PCSK2: variants seen among roughly 807,000 people sequenced by gnomAD.
PCSK2 encodes the protein proprotein convertase subtilisin/kexin type 2.
A neutral mutation model predicts 69.7 loss-of-function variants in PCSK2; 14 were observed. That is an observed-to-expected ratio of 0.20 (90% CI 0.13 to 0.31). PCSK2 has a LOEUF of 0.31. Ranked by LOEUF, PCSK2 falls within the 10% of genes least tolerant of loss-of-function variation. PCSK2 has a pLI of 1.00. For synonymous variants in PCSK2, 307 were observed against 320.7 expected, an observed-to-expected ratio of 0.96 and a Z score of 0.46; for missense variants, 544 against 842.5, an observed-to-expected ratio of 0.65 and a Z score of 4.39.
At chr20:17,263,232 T>G (rs1194459980) in intron 2 of PCSK2, 3 of 557,500 alleles carry the variant, frequency 5.4e-6, no homozygotes, top group Non-Finnish European at 6.8e-6. Flanking sequence ...CTAATTTTTA[T>G]GCTAAAAGGA....
At chr20:17,399,534 T>C (rs969610332) in intron 5 of PCSK2, among the ~76,000 whole-genome samples, 7 of 152,232 alleles carry the variant, frequency 4.6e-5, no homozygotes, top group African/African-American at 1.7e-4. Context: ...TGTTTCTGCC[T>C]GCCAATGCTT....
intron 5 of PCSK2, among the ~76,000 whole-genome samples, chr20:17,377,883 CT>C (rs2030973320): frequency 6.6e-6 from 1 of 152,214 alleles, no homozygotes; most frequent in South Asian, 2.1e-4. Flanking sequence ...AATGAAACTA[CT>C]TGTATGGACC....
At chr20:17,427,769 C>T (rs2032278699) in intron 6 of PCSK2, among the ~76,000 whole-genome samples, 1 of 152,178 alleles carries the variant, frequency 6.6e-6, no homozygotes, top group Admixed American at 6.5e-5. Flanking sequence ...AGGATGACCT[C>T]ACTCACATGT....
At chr20:17,431,075 G>C (rs57489065) in intron 7 of PCSK2, among the ~76,000 whole-genome samples, 2 of 152,072 alleles carry the variant, frequency 1.3e-5, no homozygotes, top group East Asian at 3.9e-4. Context: ...CAAAACCTGA[G>C]ACAAGGATTC....
intron 1 of PCSK2, among the ~76,000 whole-genome samples, chr20:17,253,615 G>A (rs1352252371): frequency 1.3e-5 from 2 of 152,124 alleles, no homozygotes; most frequent in Non-Finnish European, 2.9e-5. Flanking sequence ...TCAATTGATA[G>A]CAATGTGGGT....
rs1456237040 is a variant in PCSK2, at chr20:17,453,348, T to C, written c.886-394T>C. 2.6e-5 allele frequency among the ~76,000 whole-genome samples: 4 copies of C among 152,322 alleles called. No individual in the cohort carries two copies. The South Asian group carries it at 8.3e-4, about 32-fold the overall frequency. ...AAAAAATGTCTGATACATAAAGAGATGTAAGAATGAGATAATAATTACCTC... is the reference window on the plus strand; with the variant it reads ...AAAAAATGTCTGATACATAAAGAGACGTAAGAATGAGATAATAATTACCTC... On this transcript the variant is annotated intron_variant, in intron 8 of 11. Transcript: ENST00000262545. This position sits in a 1 kb window ranked among gnomAD's most constrained non-coding sequence, Gnocchi z 4.0.
At chr20:17,417,031 G>A (rs2032014879) in intron 6 of PCSK2, among the ~76,000 whole-genome samples, 1 of 149,520 alleles carries the variant, frequency 6.7e-6, no homozygotes, top group Non-Finnish European at 1.5e-5. Context: ...AGGGGGTGTG[G>A]CAGACTGGGG....
chr20:17,298,005 G>C (rs1023637813), intron 2 of PCSK2, among the ~76,000 whole-genome samples: 1 of 151,772 alleles, frequency 6.6e-6, no homozygotes, highest in East Asian at 1.9e-4. Flanking sequence ...TCCTTTTTCC[G>C]CCCTTTATTT....
In PCSK2 at chr20:17,406,613, C is replaced by T. The variant is rs186321920; in HGVS notation, c.544-2650C>T. Among the ~76,000 whole-genome samples the T allele has an allele frequency of 1.1e-3, 169 of 152,280 alleles. 1 individual carries two copies. Among genetic ancestry groups the T allele is most frequent in the African/African-American group, 3.7e-3 (155 of 41,554 alleles). On this transcript the variant is annotated intron_variant, in intron 5 of 11. Coordinates refer to ENST00000262545, the MANE Select transcript of PCSK2 (RefSeq NM_002594.5). The stretch of plus-strand genomic sequence containing the variant: ...TCCTGCTTCCAACCCCTGCCATGTC[C>T]GGCCAAACTATTTTCCCAGAGTCAG...
intron 5 of PCSK2, among the ~76,000 whole-genome samples, chr20:17,392,583 C>A (rs1212080343): frequency 6.6e-6 from 1 of 152,194 alleles, no homozygotes; most frequent in Non-Finnish European, 1.5e-5. Context: ...AAACTTTCCT[C>A]CTGCTGCCCC....
intron 2 of PCSK2, among the ~76,000 whole-genome samples, chr20:17,342,669 T>C (rs1990539533): frequency 6.6e-6 from 1 of 151,752 alleles, no homozygotes; most frequent in Admixed American, 6.6e-5. Context: ...GGTCGTGCTC[T>C]GTTGCTCAGA....
rs1568593582 is a variant in PCSK2, at chr20:17,303,490, TATTTAATATAATA to T, written c.282+43147_282+43159del. Among the ~76,000 whole-genome samples, 50 of 52,564 alleles carry T rather than the reference TATTTAATATAATA, an allele frequency of 9.5e-4. 1 individual carries two copies. The highest frequency in any genetic ancestry group is 2.5e-3 in the African/African-American group (35 of 13,832). The allele number at this position is 52,564 out of a possible 152,430, so 34.5% of individuals were successfully genotyped here. A position where few individuals can be genotyped will look rare whatever the true frequency, so the allele number is the denominator to read the frequency against. ...TATATATTATATATAATATATATTA[TATTTAATATAATA>T]TATATTATATATAATATAATATATA... On this transcript the variant is annotated intron_variant, in intron 2 of 11. Transcript: ENST00000262545.
At chr20:17,237,984 G>A (rs1986408979) in intron 1 of PCSK2, among the ~76,000 whole-genome samples, 1 of 152,192 alleles carries the variant, frequency 6.6e-6, no homozygotes, top group Non-Finnish European at 1.5e-5. Flanking sequence ...CCAGCATTTT[G>A]TCCTGGCATA....
rs574695491 is a variant in PCSK2 at position 17,402,090 on chromosome 20, G to A, written c.544-7173G>A. Among the ~76,000 whole-genome samples the A allele has an allele frequency of 1.1e-3, 161 of 152,240 alleles. 2 individuals carry two copies. The highest frequency in any genetic ancestry group is 3.5e-3 in the South Asian group (17 of 4,822). On this transcript the variant is annotated intron_variant, in intron 5 of 11. Coordinates refer to ENST00000262545, the MANE Select transcript of PCSK2 (RefSeq NM_002594.5). ...ATAGACAGGCAAAGGCCACTCTAAA[G>A]ATACCCTCCGGAGGTGTCTGCCTCG...
intron 5 of PCSK2, among the ~76,000 whole-genome samples, chr20:17,376,047 C>A (rs897037571): frequency 1.3e-5 from 2 of 152,190 alleles, no homozygotes; most frequent in African/African-American, 2.4e-5. Context: ...ACTGCCTACC[C>A]ACGCCTCTGC....
chr20:17,332,680 T>C (rs1036571297), intron 2 of PCSK2, among the ~76,000 whole-genome samples: 3 of 152,142 alleles, frequency 2.0e-5, no homozygotes, highest in African/African-American at 7.2e-5. Flanking sequence ...TAATAAGCTT[T>C]CCTGAGGATT....
At position 17,227,297 on chromosome 20, in the gene PCSK2, C is replaced by T; in HGVS notation, c.-9C>T. The T allele has an allele frequency of 6.2e-7, 1 of 1,612,836 alleles. No individual in the cohort carries two copies. The highest frequency in any genetic ancestry group is 8.5e-7 in the Non-Finnish European group (1 of 1,179,482). On this transcript the variant is annotated 5_prime_UTR_variant, in exon 1 of 12. Transcript: ENST00000262545. ...GCCTCCTAGCACCACTTTTCACTCC[C>T]AAAGAAGGATGAAGGGTGGTTGTGT...
chr20:17,448,371 C>A (rs1180895229), intron 8 of PCSK2, among the ~76,000 whole-genome samples: 1 of 152,166 alleles, frequency 6.6e-6, no homozygotes, highest in Non-Finnish European at 1.5e-5. Context: ...AGCCACTGCA[C>A]CAGTCTCTAG....
At chr20:17,404,296 G>A (rs2031706674) in intron 5 of PCSK2, among the ~76,000 whole-genome samples, 2 of 152,212 alleles carry the variant, frequency 1.3e-5, no homozygotes, top group Non-Finnish European at 2.9e-5. Context: ...CACATCAGTG[G>A]ATGTCCATAT....
Sources: gnomAD v4.1 joint callset for allele counts (sites outside exome capture counted in the v4.1 genomes callset) on GRCh38, gnomAD v4.1.1 for gene constraint, Gnocchi (gnomAD v3.1) non-coding constraint, MANE v1.5 for transcripts, NCBI Gene and HGNC (gene_info 2026-07-23, HGNC 2026-07-21) for gene names.